Variants in HMMR observed in about 807,000 individuals in gnomAD.
HMMR encodes hyaluronan mediated motility receptor.
HMMR carries 108 observed loss-of-function variants against 101.0 expected under a neutral mutation model. That is an observed-to-expected ratio of 1.07 (90% CI 0.92 to 1.25). The LOEUF is 1.25. Ranked by LOEUF, HMMR falls within the 50% of genes most tolerant of loss-of-function variation. The probability of loss-of-function intolerance (pLI) is 0.00; values close to 1 mark genes in which losing one functional copy is unlikely to be tolerated. For missense variants in HMMR, 813 were observed against 788.7 expected (o/e 1.03, Z -0.37); for synonymous variants, 296 against 276.4 (o/e 1.07, Z -0.70).
intron 7 of HMMR, 28 bp downstream of exon 7, chr5:163,471,491 G>A: frequency 4.1e-6 from 6 of 1,459,680 alleles, no homozygotes; most frequent in African/African-American, 1.4e-5. Flanking sequence ...AAGAGAAATT[G>A]TTAAGTGGAA....
At chr5:163,471,493 T>TA in intron 7 of HMMR, 30 bp downstream of exon 7, 1 of 1,425,802 alleles carries the variant, frequency 7.0e-7, no homozygotes, top group South Asian at 1.2e-5. Context: ...GAGAAATTGT[T>TA]AAGTGGAAGC....
At chr5:163,464,675 A>G in intron 2 of HMMR, 48 bp from the exon 3 acceptor site, 1 of 1,270,490 alleles carries the variant, frequency 7.9e-7, no homozygotes, top group Non-Finnish European at 1.1e-6. Context: ...GTGTGTAGTT[A>G]AAACACATTG....
intron 5 of HMMR, 60 bp downstream of exon 5, chr5:163,469,889 C>T (rs868350996): frequency 3.9e-5 from 47 of 1,203,278 alleles, no homozygotes; most frequent in Middle Eastern, 2.3e-4. Flanking sequence ...TTTTTAGGGC[C>T]GGGCACGGTG....
At chr5:163,464,661 T>G in intron 2 of HMMR, 62 bp from the exon 3 acceptor site, 1 of 1,137,920 alleles carries the variant, frequency 8.8e-7, no homozygotes. Context: ...GGAAATTGTG[T>G]TTTGTGTGTA....
chr5:163,469,491 T>C lies in HMMR; in HGVS notation c.274-150T>C, dbSNP rs964551232. 7.8e-5 allele frequency: 49 copies of C among 632,160 alleles called. No individual in the cohort carries two copies. In the African/African-American group the frequency reaches 8.5e-4, roughly 11 times the overall value. 39.2% of individuals were successfully genotyped at this position (632,160 alleles called of 1,614,324 possible). A position where few individuals can be genotyped will look rare whatever the true frequency, so the allele number is the denominator to read the frequency against. On this transcript the variant is annotated intron_variant, in intron 4 of 17. Transcript: ENST00000393915. ...AAGATGTATCATAGGTAAATATGAT[T>C]ATTCAAATAGCTAGTAACATTAGAA...
Position 163,478,764 on chromosome 5 carries a change from T to G in HMMR, c.1349T>G (p.Val450Gly), listed in dbSNP as rs1169079983. The change falls in exon 12 of 18, where the codon GTG (valine) becomes GGG (glycine). Residue 450 changes from valine (V) to glycine (G), a missense_variant. Transcript: ENST00000393915. Reference protein sequence around the residue: ...LLLQEKYDSMVQSLEDVTAQF... With the variant: ...LLLQEKYDSMGQSLEDVTAQF... The stretch of plus-strand genomic sequence containing the variant: ...TTGCAGGAAAAGTATGACAGTATGG[T>G]GCAAAGCCTTGAAGATGTTACTGCT... 3 of 1,611,296 alleles carry G rather than the reference T, an allele frequency of 1.9e-6. No homozygotes were observed. Among genetic ancestry groups the G allele is most frequent in the East Asian group, 2.2e-5 (1 of 44,860 alleles).
At chr5:163,474,673 C>T (rs1439229727) in intron 10 of HMMR, 1 of 433,282 alleles carries the variant, frequency 2.3e-6, no homozygotes, top group Non-Finnish European at 4.5e-6. Context: ...GAAAGATACT[C>T]CACCTTAGTA....
At chr5:163,479,605 C>G (rs1759190603) in intron 12 of HMMR, among the ~76,000 whole-genome samples, 1 of 152,124 alleles carries the variant, frequency 6.6e-6, no homozygotes, top group Admixed American at 6.5e-5. Flanking sequence ...CCAGGCTGCA[C>G]TGAGCTAAGA....
chr5:163,476,705 G>A (rs1387770135), intron 11 of HMMR, among the ~76,000 whole-genome samples: 4 of 152,136 alleles, frequency 2.6e-5, no homozygotes, highest in African/African-American at 9.7e-5. Flanking sequence ...GAAACATTCA[G>A]AAGTAAGAAA....
intron 16 of HMMR, 79 bp downstream of exon 16, chr5:163,484,324 T>TACTTAAATAAA (rs1188374271): frequency 8.8e-6 from 6 of 680,602 alleles, no homozygotes; most frequent in African/African-American, 1.9e-5. Context: ...ATAAAATGAA[T>TACTTAAATAAA]ATCTTTGGTA....
At chr5:163,478,866 A>G in intron 12 of HMMR, 66 bp downstream of exon 12, 1 of 858,272 alleles carries the variant, frequency 1.2e-6, no homozygotes, top group Non-Finnish European at 2.0e-6. Flanking sequence ...TACCCCAGGA[A>G]ATATGTGAGC....
At chr5:163,467,146 T>C (rs1271602433) in intron 3 of HMMR, among the ~76,000 whole-genome samples, 4 of 152,218 alleles carry the variant, frequency 2.6e-5, no homozygotes, top group Non-Finnish European at 5.9e-5. Context: ...CTTCCATTTT[T>C]AGATGGAAAA....
intron 3 of HMMR, 92 bp downstream of exon 3, chr5:163,464,894 G>C: frequency 1.3e-6 from 1 of 748,800 alleles, no homozygotes. Context: ...TTAAGTGTAT[G>C]AATCAAGGTT....
intron 16 of HMMR, chr5:163,489,282 C>G (rs1414579077): frequency 6.6e-6 from 1 of 152,376 alleles, no homozygotes; most frequent in Non-Finnish European, 1.5e-5. Context: ...CCTAACAGGC[C>G]TTGGATGGGT....
At chr5:163,483,569 A>G (rs1282660395) in intron 15 of HMMR, among the ~76,000 whole-genome samples, 1 of 152,154 alleles carries the variant, frequency 6.6e-6, no homozygotes, top group African/African-American at 2.4e-5. Flanking sequence ...TATAATTGAC[A>G]AATTTAATTG....
At chr5:163,472,364 C>A (rs1554096735) in intron 7 of HMMR, among the ~76,000 whole-genome samples, 1 of 152,048 alleles carries the variant, frequency 6.6e-6, no homozygotes, top group Non-Finnish European at 1.5e-5. Flanking sequence ...TCCTTTTGAT[C>A]ATTATTTGGG....
At chr5:163,489,892 T>C (rs1451832695) in intron 16 of HMMR, among the ~76,000 whole-genome samples, 1 of 152,226 alleles carries the variant, frequency 6.6e-6, no homozygotes, top group Non-Finnish European at 1.5e-5. Context: ...GCGTGGACTT[T>C]GCCTTGCTAA....
At chr5:163,470,792 C>T (rs1160520616) in intron 5 of HMMR, among the ~76,000 whole-genome samples, 5 of 151,962 alleles carry the variant, frequency 3.3e-5, no homozygotes, top group Non-Finnish European at 5.9e-5. Context: ...GAGTTTGAGA[C>T]CAGCCTGGGC....
rs184988348 is a variant in HMMR, at chr5:163,474,446, A to T, written c.1053+241A>T. The T allele has an allele frequency of 3.0e-4, 149 of 502,394 alleles. 3 individuals carry two copies. The highest frequency in any genetic ancestry group is 1.4e-3 in the South Asian group (79 of 57,698). The allele number at this position is 502,394 out of a possible 1,614,324, so 31.1% of individuals were successfully genotyped here. A position where few individuals can be genotyped will look rare whatever the true frequency, so the allele number is the denominator to read the frequency against. ...AGATACAGCAAAATAGGGAATTTTT[A>T]AAAAATTTTCTGGCTCATTCTTGTG... On this transcript the variant is annotated intron_variant, in intron 10 of 17. Transcript: ENST00000393915.
Sources: gnomAD v4.1 joint callset for allele counts (sites outside exome capture counted in the v4.1 genomes callset) on GRCh38, gnomAD v4.1.1 for gene constraint, MANE v1.5 for transcripts, NCBI Gene and HGNC (gene_info 2026-07-23, HGNC 2026-07-21) for gene names.